CYP20A1: variants seen among roughly 807,000 people sequenced by gnomAD.
The protein encoded by CYP20A1 is cytochrome P450 family 20 subfamily A member 1, also known as cytochrome P450 20A1.
CYP20A1 carries 61 observed loss-of-function variants against 61.4 expected under a neutral mutation model. The ratio of observed to expected loss-of-function variants is 0.99; its 90% CI spans 0.81 to 1.23. The LOEUF (loss-of-function observed/expected upper bound fraction) is 1.23, where lower values mean the gene tolerates loss of function less well. CYP20A1 is among the 50% of genes most tolerant of loss of function. The pLI is 0.00. For missense variants in CYP20A1, 530 were observed against 542.4 expected, an observed-to-expected ratio of 0.98 and a Z score of 0.23; for synonymous variants, 193 against 188.2, an observed-to-expected ratio of 1.03 and a Z score of -0.21.
In CYP20A1 at chr2:203,239,052, G is replaced by A. The variant is rs1422973526; in HGVS notation, c.-11G>A. The A allele has an allele frequency of 1.9e-6, 3 of 1,613,312 alleles. No homozygotes were observed. Among genetic ancestry groups the A allele is most frequent in the Non-Finnish European group, 2.5e-6 (3 of 1,179,576 alleles). Reference sequence around the variant, plus strand: ...GCCGATCCGAGACGTGGCTCCCTGGGCGGCAGAACCATGTTGGACTTCGCG... The same window carrying A: ...GCCGATCCGAGACGTGGCTCCCTGGACGGCAGAACCATGTTGGACTTCGCG... On this transcript the variant is annotated 5_prime_UTR_variant, in exon 1 of 13. Transcript: ENST00000356079.
intron 2 of CYP20A1, 98 bp downstream of exon 2, chr2:203,245,993 G>C (rs2066447137): frequency 2.5e-6 from 2 of 801,438 alleles, no homozygotes; most frequent in African/African-American, 3.5e-5. Context: ...GCTGTTGCCA[G>C]CTACTGAGGA....
intron 1 of CYP20A1, among the ~76,000 whole-genome samples, chr2:203,243,848 C>T (rs2066350241): frequency 6.6e-6 from 1 of 151,822 alleles, no homozygotes; most frequent in African/African-American, 2.4e-5. Context: ...GCCACTGCAC[C>T]CGGCGAATTT....
At position 203,304,329 on chromosome 2, in the gene CYP20A1, CT is replaced by C. The variant is rs1411446050; in HGVS notation, c.*7422del. 6.6e-6 allele frequency among the ~76,000 whole-genome samples: 1 copy of C among 152,144 alleles called. No homozygotes were observed. Among genetic ancestry groups the C allele is most frequent in the Admixed American group, 6.6e-5 (1 of 15,266 alleles). ...TCTCCTGCCTCAGCCTCCCGAGTAG[CT>C]GCGACTACAGGCGAGTGCCTCCATG... is the stretch of plus-strand genomic sequence containing the variant. On this transcript the variant is annotated 3_prime_UTR_variant, in exon 13 of 13. Transcript: ENST00000356079.
At chr2:203,240,640 A>T (rs1048220472) in intron 1 of CYP20A1, among the ~76,000 whole-genome samples, 1 of 152,220 alleles carries the variant, frequency 6.6e-6, no homozygotes, top group African/African-American at 2.4e-5. Flanking sequence ...CATTCTGAGA[A>T]AGAGCATTCT....
intron 5 of CYP20A1, among the ~76,000 whole-genome samples, chr2:203,270,736 CTTT>C (rs551427259): frequency 2.3e-5 from 3 of 127,966 alleles, no homozygotes; most frequent in Non-Finnish European, 5.0e-5. Flanking sequence ...TTTTTTTTTT[CTTT>C]TTTTTTTTTT....
chr2:203,268,188 T>C (rs1039161913), intron 5 of CYP20A1, among the ~76,000 whole-genome samples: 3 of 152,210 alleles, frequency 2.0e-5, no homozygotes, highest in African/African-American at 7.2e-5. Flanking sequence ...TGTTTTCCTC[T>C]AAATATTGCA....
chr2:203,292,438 A>G, intron 11 of CYP20A1, 112 bp downstream of exon 11: 1 of 713,614 alleles, frequency 1.4e-6, no homozygotes, highest in South Asian at 1.7e-5. Flanking sequence ...TGATACAACA[A>G]AAGAAAACTA....
At chr2:203,249,150 C>A (rs1325529023) in intron 3 of CYP20A1, among the ~76,000 whole-genome samples, 3 of 152,154 alleles carry the variant, frequency 2.0e-5, no homozygotes, top group Non-Finnish European at 4.4e-5. Context: ...TACAATGGTA[C>A]AAGATCTAGA....
chr2:203,246,974 G>A lies in CYP20A1; in HGVS notation c.289+53G>A, dbSNP rs2066482520. 1.9e-6 allele frequency: 3 copies of A among 1,572,844 alleles called. No individual in the cohort carries two copies. The South Asian group carries it at 3.4e-5, about 18-fold the overall frequency. The stretch of plus-strand genomic sequence containing the variant: ...TGATCCTTACCTTTTAAGAATGAAT[G>A]TTTAGGCTGGGCACGGTGGCTCACA... On this transcript the variant is annotated intron_variant, in intron 3 of 12. Transcript: ENST00000356079.
At chr2:203,247,136 C>A (rs2066489461) in intron 3 of CYP20A1, among the ~76,000 whole-genome samples, 1 of 152,070 alleles carries the variant, frequency 6.6e-6, no homozygotes, top group Non-Finnish European at 1.5e-5. Flanking sequence ...TGGCACACAC[C>A]TGTAATCCCA....
intron 6 of CYP20A1, among the ~76,000 whole-genome samples, chr2:203,274,477 C>A (rs1051645600): frequency 6.6e-6 from 1 of 152,108 alleles, no homozygotes; most frequent in African/African-American, 2.4e-5. Flanking sequence ...TGAGCCACCA[C>A]GTCCGGCCAA....
In CYP20A1 at chr2:203,258,195, G is replaced by A. The variant is rs1171376242; in HGVS notation, c.432+6086G>A. Among the ~76,000 whole-genome samples the A allele has an allele frequency of 3.3e-5, 5 of 152,316 alleles. No individual in the cohort carries two copies. In the East Asian group the frequency reaches 9.7e-4, roughly 29 times the overall value. On this transcript the variant is annotated intron_variant, in intron 4 of 12. Transcript: ENST00000356079. ...TAGGATTACAGGTGTGAGCCACTGT[G>A]CCTCAGGCCTTTACAGTATCCACTT...
intron 5 of CYP20A1, among the ~76,000 whole-genome samples, chr2:203,272,101 A>G (rs1036456308): frequency 2.0e-5 from 3 of 152,198 alleles, no homozygotes; most frequent in African/African-American, 7.2e-5. Flanking sequence ...TTTTAGAGAA[A>G]AGGAATTTTT....
At chr2:203,257,263 TG>T (rs1452328783) in intron 4 of CYP20A1, among the ~76,000 whole-genome samples, 1 of 149,156 alleles carries the variant, frequency 6.7e-6, no homozygotes, top group African/African-American at 2.5e-5. Context: ...GAGGTTGCAG[TG>T]AGCCAAGGTT....
chr2:203,258,003 G>GTGCTGT, intron 4 of CYP20A1, among the ~76,000 whole-genome samples: 1 of 151,448 alleles, frequency 6.6e-6, no homozygotes, highest in Non-Finnish European at 1.5e-5. Context: ...CTGGGCTGAA[G>GTGCTGT]GGATCCTCCT....
chr2:203,241,412 G>A lies in CYP20A1; in HGVS notation c.72+2278G>A, dbSNP rs374972298. Among the ~76,000 whole-genome samples, 19 of 152,304 alleles carry A rather than the reference G, an allele frequency of 1.2e-4. 2 individuals are homozygous for A. Among genetic ancestry groups the A allele is most frequent in the Admixed American group, 6.5e-4 (10 of 15,294 alleles). ...TCAATGTATAGATGGTATTTAAAGC[G>A]AGGAGAACTGGTTGCTATCTCCCAG... On this transcript the variant is annotated intron_variant, in intron 1 of 12. Transcript: ENST00000356079.
intron 9 of CYP20A1, among the ~76,000 whole-genome samples, chr2:203,288,214 C>T (rs1252035480): frequency 1.3e-5 from 2 of 151,522 alleles, no homozygotes; most frequent in Non-Finnish European, 2.9e-5. Context: ...TACAGGCATG[C>T]ACCACCACAC....
At chr2:203,255,911 C>T (rs1291014988) in intron 4 of CYP20A1, among the ~76,000 whole-genome samples, 10 of 152,180 alleles carry the variant, frequency 6.6e-5, no homozygotes, top group Non-Finnish European at 1.5e-4. Context: ...GTCACTTCCC[C>T]AGGGACGCTA....
At chr2:203,260,899 C>G (rs886548383) in intron 4 of CYP20A1, among the ~76,000 whole-genome samples, 2 of 152,084 alleles carry the variant, frequency 1.3e-5, no homozygotes, top group African/African-American at 4.8e-5. Context: ...TGCTTTATTG[C>G]CAAACATTCC....
Sources: gnomAD v4.1 joint callset for allele counts (sites outside exome capture counted in the v4.1 genomes callset) on GRCh38, gnomAD v4.1.1 for gene constraint, MANE v1.5 for transcripts, NCBI Gene and HGNC (gene_info 2026-07-23, HGNC 2026-07-21) for gene names.